The following KATNIP variants were observed in gnomAD, a reference collection of about 807,000 sequenced individuals.
KATNIP encodes the protein katanin-interacting protein.
In KATNIP, 126 loss-of-function variants were observed where a neutral mutation model predicts 174.0. The observed-to-expected ratio is 0.72, with a 90% CI of 0.63 to 0.84. KATNIP has a LOEUF of 0.84. Among genes scored for constraint, KATNIP ranks in the 40% least tolerant of loss-of-function variants. The pLI, the probability that KATNIP is intolerant of heterozygous loss-of-function variation, is 0.00. For missense variants in KATNIP, 1,958 were observed against 2,109.7 expected (o/e 0.93, Z 1.41); for synonymous variants, 810 against 835.7 (o/e 0.97, Z 0.53).
At chr16:27,770,638 G>A (rs965339852) in intron 21 of KATNIP, among the ~76,000 whole-genome samples, 1 of 152,214 alleles carries the variant, frequency 6.6e-6, no homozygotes, top group African/African-American at 2.4e-5. Context: ...ACCAGGCTAG[G>A]GCTGGAGGGC....
chr16:27,577,586 G>A (rs1355948780), intron 2 of KATNIP, among the ~76,000 whole-genome samples: 2 of 152,120 alleles, frequency 1.3e-5, no homozygotes, highest in Non-Finnish European at 2.9e-5. Context: ...CAGCTACTCG[G>A]GAGGCTGAAG....
chr16:27,573,017 G>T (rs146760641), intron 1 of KATNIP, among the ~76,000 whole-genome samples: 290 of 152,318 alleles, frequency 1.9e-3, no homozygotes, highest in Non-Finnish European at 3.2e-3. Context: ...AAGTGACCAT[G>T]TCCAAAGACG....
intron 2 of KATNIP, among the ~76,000 whole-genome samples, chr16:27,598,524 T>A (rs905946018): frequency 6.6e-6 from 1 of 152,202 alleles, no homozygotes; most frequent in Non-Finnish European, 1.5e-5. Context: ...GGTGACCATA[T>A]TTCAGAATTA....
At chr16:27,742,715 C>G (rs546516992) in intron 15 of KATNIP, among the ~76,000 whole-genome samples, 1 of 152,236 alleles carries the variant, frequency 6.6e-6, no homozygotes, top group Non-Finnish European at 1.5e-5. Flanking sequence ...AACACAGTGC[C>G]TGGCACACAG....
intron 2 of KATNIP, among the ~76,000 whole-genome samples, chr16:27,582,508 C>T (rs1216871290): frequency 6.6e-6 from 1 of 152,204 alleles, no homozygotes; most frequent in Non-Finnish European, 1.5e-5. Flanking sequence ...GGTCTCTCTG[C>T]AGCTTTGAGA....
chr16:27,669,185 G>C (rs1428204522), intron 6 of KATNIP: 1 of 656,388 alleles, frequency 1.5e-6, no homozygotes, highest in Admixed American at 6.3e-5. Flanking sequence ...TAGTTCAGCA[G>C]AAAGAGGAAG....
intron 3 of KATNIP, among the ~76,000 whole-genome samples, chr16:27,621,012 C>A (rs1050814153): frequency 6.6e-6 from 1 of 152,188 alleles, no homozygotes; most frequent in African/African-American, 2.4e-5. Context: ...AGAAATCCAA[C>A]ATTGAGCTGG....
chr16:27,678,908 G>A (rs2078223182), intron 7 of KATNIP: 1 of 152,418 alleles, frequency 6.6e-6, no homozygotes, highest in South Asian at 2.1e-4. Flanking sequence ...GGGCAGGGAG[G>A]AGAGAGAAGG....
intron 14 of KATNIP, among the ~76,000 whole-genome samples, chr16:27,733,294 T>C (rs1293718310): frequency 6.6e-6 from 1 of 152,168 alleles, no homozygotes; most frequent in East Asian, 1.9e-4. Flanking sequence ...CTGAGTTAAT[T>C]AATCACTTAG....
At chr16:27,675,201 A>G (rs2078070661) in intron 6 of KATNIP, among the ~76,000 whole-genome samples, 1 of 152,204 alleles carries the variant, frequency 6.6e-6, no homozygotes, top group African/African-American at 2.4e-5. Context: ...GCAGAAGGCA[A>G]AGAAGGAGCA....
chr16:27,608,399 C>CT (rs11374534), intron 2 of KATNIP, among the ~76,000 whole-genome samples: 70,070 of 97,522 alleles, frequency 0.72, 25,590 homozygotes, highest in East Asian at 0.97. Context: ...ACTGGTGAAT[C>CT]TTTTTTTTTT....
At chr16:27,585,243 C>T (rs2090850096) in intron 2 of KATNIP, among the ~76,000 whole-genome samples, 1 of 152,070 alleles carries the variant, frequency 6.6e-6, no homozygotes, top group Non-Finnish European at 1.5e-5. Context: ...TCATCTCATC[C>T]CAGTTAAAAT....
intron 10 of KATNIP, among the ~76,000 whole-genome samples, chr16:27,701,162 A>AT (rs1176025627): frequency 6.6e-6 from 1 of 151,476 alleles, no homozygotes; most frequent in Non-Finnish European, 1.5e-5. Context: ...ATTTTTTTTT[A>AT]TTTTTTATTT....
chr16:27,636,608 C>G (rs2076644141), intron 5 of KATNIP, among the ~76,000 whole-genome samples: 1 of 151,988 alleles, frequency 6.6e-6, no homozygotes, highest in Non-Finnish European at 1.5e-5. Flanking sequence ...TCTGTGTAAC[C>G]TCTCTGAGCT....
At chr16:27,587,634 G>A (rs2090950096) in intron 2 of KATNIP, among the ~76,000 whole-genome samples, 1 of 152,122 alleles carries the variant, frequency 6.6e-6, no homozygotes. Flanking sequence ...TGTGCTCACG[G>A]CACTTAAATA....
Position 27,707,207 on chromosome 16 carries a change from G to T in KATNIP, c.1390-1498G>T, listed in dbSNP as rs187449550. On this transcript the variant is annotated intron_variant, in intron 12 of 27. Coordinates refer to ENST00000261588, the MANE Select transcript of KATNIP (RefSeq NM_015202.5). ...TCATTTGCTTGGCTCCCTGCTCACAGAACCATTGCAGATTACCCATGCTAA... is the reference window on the plus strand; with the variant it reads ...TCATTTGCTTGGCTCCCTGCTCACATAACCATTGCAGATTACCCATGCTAA... Among the ~76,000 whole-genome samples, 4 of 152,308 alleles carry T rather than the reference G, an allele frequency of 2.6e-5. No individual in the cohort carries two copies. The East Asian group carries it at 5.8e-4, about 22-fold the overall frequency.
intron 12 of KATNIP, 90 bp downstream of exon 12, chr16:27,704,088 G>A: frequency 1.0e-6 from 1 of 992,736 alleles, no homozygotes; most frequent in Non-Finnish European, 1.6e-6. Flanking sequence ...TCTGACAGTG[G>A]TTAAATGAGC....
intron 13 of KATNIP, among the ~76,000 whole-genome samples, chr16:27,719,541 T>C (rs139920807): frequency 6.6e-6 from 1 of 151,834 alleles, no homozygotes; most frequent in East Asian, 1.9e-4. Flanking sequence ...CAACTAAATT[T>C]TGTATTTTTT....
At chr16:27,589,351 A>G (rs1230368636) in intron 2 of KATNIP, among the ~76,000 whole-genome samples, 1 of 152,232 alleles carries the variant, frequency 6.6e-6, no homozygotes, top group African/African-American at 2.4e-5. Context: ...TGTGGGCCAC[A>G]CGGTCTCTTG....
Sources: gnomAD v4.1 joint callset for allele counts (sites outside exome capture counted in the v4.1 genomes callset) on GRCh38, gnomAD v4.1.1 for gene constraint, MANE v1.5 for transcripts, NCBI Gene and HGNC (gene_info 2026-07-23, HGNC 2026-07-21) for gene names.